The following FSIP1 variants were observed in gnomAD, a reference collection of about 807,000 sequenced individuals.
FSIP1 encodes fibrous sheath interacting protein 1.
Under a neutral mutation model 60.9 loss-of-function variants are expected in FSIP1, and 65 were observed. The ratio of observed to expected loss-of-function variants is 1.07; its 90% CI spans 0.87 to 1.31. FSIP1 has a LOEUF of 1.31. Ranked by LOEUF, FSIP1 falls within the 40% of genes most tolerant of loss-of-function variation. The pLI, the probability that FSIP1 is intolerant of heterozygous loss-of-function variation, is 0.00. For missense variants in FSIP1, 675 were observed against 665.5 expected (o/e 1.01, Z -0.16); for synonymous variants, 209 against 221.2 (o/e 0.94, Z 0.49).
intron 9 of FSIP1, among the ~76,000 whole-genome samples, chr15:39,718,098 C>T (rs974284735): frequency 6.6e-6 from 1 of 152,080 alleles, no homozygotes; most frequent in African/African-American, 2.4e-5. Flanking sequence ...GGTGTCCCAA[C>T]ATCCACTGTT....
chr15:39,603,204 TA>T (rs1390186906), intron 11 of FSIP1, among the ~76,000 whole-genome samples: 1 of 152,132 alleles, frequency 6.6e-6, no homozygotes, highest in Non-Finnish European at 1.5e-5. Context: ...GTTTGTGGGG[TA>T]AATCGATGAA....
chr15:39,764,037 T>A (rs917615263), intron 4 of FSIP1, 123 bp from the exon 5 acceptor site: 50 of 589,324 alleles, frequency 8.5e-5, no homozygotes, highest in Non-Finnish European at 1.5e-4. Context: ...GGCTATTTTT[T>A]TTTTTGAGGA....
chr15:39,642,882 C>T (rs1375339742), intron 10 of FSIP1, among the ~76,000 whole-genome samples: 8 of 152,134 alleles, frequency 5.3e-5, no homozygotes, highest in Admixed American at 5.2e-4. Context: ...CATCATTGAG[C>T]ATATCTCTAA....
At chr15:39,625,785 C>T (rs749435956) in intron 10 of FSIP1, among the ~76,000 whole-genome samples, 1 of 152,150 alleles carries the variant, frequency 6.6e-6, no homozygotes. Flanking sequence ...CATAAAGAGC[C>T]TAAAAAGGGG....
rs569898491 is a variant in FSIP1 at position 39,654,841 on chromosome 15, G to A, written c.1189-36596C>T. ...ATGATGAATGGCAAGAAAGCAACTG[G>A]TCTATCTTCTGATCATGTAAATTCC... On this transcript the variant is annotated intron_variant, in intron 10 of 11. Transcript: ENST00000350221. 9.9e-5 allele frequency among the ~76,000 whole-genome samples: 15 copies of A among 152,244 alleles called. No homozygotes were observed. The South Asian group carries it at 3.1e-3, about 32-fold the overall frequency.
chr15:39,746,259 C>T (rs1309335722), intron 5 of FSIP1, among the ~76,000 whole-genome samples: 2 of 151,942 alleles, frequency 1.3e-5, no homozygotes, highest in Admixed American at 6.6e-5. Context: ...ACTGAAACAG[C>T]GCAGGGGCAG....
At chr15:39,633,554 A>AATG (rs1891999803) in intron 10 of FSIP1, among the ~76,000 whole-genome samples, 1 of 152,168 alleles carries the variant, frequency 6.6e-6, no homozygotes, top group Non-Finnish European at 1.5e-5. Context: ...TGAACCTATT[A>AATG]ATGCACAGTA....
At chr15:39,760,757 T>C (rs951244446) in intron 5 of FSIP1, among the ~76,000 whole-genome samples, 2 of 152,148 alleles carry the variant, frequency 1.3e-5, no homozygotes, top group Non-Finnish European at 2.9e-5. Context: ...GTGGGAAAAC[T>C]GGTAAATTTT....
rs900526547 is a variant in FSIP1 at position 39,739,027 on chromosome 15, C to T, written c.780+638G>A. On this transcript the variant is annotated intron_variant, in intron 7 of 11. Coordinates refer to ENST00000350221, the MANE Select transcript of FSIP1 (RefSeq NM_152597.5). ...TGCAGAGCTTCTGTCCTCCTCACTA[C>T]ATTTCTTGTTGTAAATTAATTAATT... 2.6e-5 allele frequency among the ~76,000 whole-genome samples: 4 copies of T among 152,230 alleles called. No individual in the cohort carries two copies. The East Asian group carries it at 5.8e-4, about 22-fold the overall frequency.
At chr15:39,652,693 T>C (rs887714337) in intron 10 of FSIP1, among the ~76,000 whole-genome samples, 12 of 152,222 alleles carry the variant, frequency 7.9e-5, no homozygotes, top group Non-Finnish European at 1.2e-4. Context: ...GTCTTTCTTA[T>C]TTCATTTGTT....
Position 39,635,482 on chromosome 15 carries a change from A to G in FSIP1, c.1189-17237T>C, listed in dbSNP as rs543345744. ...TTTCCCCAATTACTCTAGTAAGTAC[A>G]CTCTTTCAAAGGGCCGGATCTAGCA... On this transcript the variant is annotated intron_variant, in intron 10 of 11. Coordinates refer to ENST00000350221, the MANE Select transcript of FSIP1 (RefSeq NM_152597.5). Among the ~76,000 whole-genome samples, 4 of 152,192 alleles carry G rather than the reference A, an allele frequency of 2.6e-5. No homozygotes were observed. In the East Asian group the frequency reaches 7.7e-4, roughly 29 times the overall value.
intron 2 of FSIP1, among the ~76,000 whole-genome samples, chr15:39,775,712 C>G (rs1898031344): frequency 6.6e-6 from 1 of 152,098 alleles, no homozygotes; most frequent in Non-Finnish European, 1.5e-5. Flanking sequence ...CTCCTTCACT[C>G]TCTCTCTCTC....
chr15:39,597,704 A>G (rs1289494165), downstream of FSIP1: 1 of 152,236 alleles, frequency 6.6e-6, no homozygotes, highest in Non-Finnish European at 1.5e-5. Flanking sequence ...TCAAAAACAT[A>G]TAAAAGAGAA....
chr15:39,674,720 C>T (rs28785006), intron 10 of FSIP1, among the ~76,000 whole-genome samples: 19,481 of 152,120 alleles, frequency 0.13, 1,469 homozygotes, highest in African/African-American at 0.2. Flanking sequence ...ATATCAGAAG[C>T]ATATCTTTAA....
At position 39,675,542 on chromosome 15, in the gene FSIP1, T is replaced by C. The variant is rs553203277; in HGVS notation, c.1188+37902A>G. 2.0e-4 allele frequency among the ~76,000 whole-genome samples: 30 copies of C among 152,260 alleles called. No individual in the cohort carries two copies. The South Asian group carries it at 6.0e-3, about 30-fold the overall frequency. On this transcript the variant is annotated intron_variant, in intron 10 of 11. Transcript: ENST00000350221. ...AAGGGTGCACCACTGCATACAAAAA[T>C]ATAGATAGATCTTGGCAGCATAATA...
At chr15:39,701,655 C>T (rs529955239) in intron 10 of FSIP1, among the ~76,000 whole-genome samples, 1 of 152,164 alleles carries the variant, frequency 6.6e-6, no homozygotes, top group Admixed American at 6.5e-5. Flanking sequence ...GGTTTCATTT[C>T]AAATCTTTGT....
intron 5 of FSIP1, among the ~76,000 whole-genome samples, chr15:39,743,323 T>C (rs1456070107): frequency 6.6e-6 from 1 of 152,160 alleles, no homozygotes; most frequent in Non-Finnish European, 1.5e-5. Flanking sequence ...ATTCATTGCC[T>C]CAGAGAGAGG....
At chr15:39,635,951 G>A (rs186198093) in intron 10 of FSIP1, among the ~76,000 whole-genome samples, 116 of 152,164 alleles carry the variant, frequency 7.6e-4, no homozygotes, top group Admixed American at 1.5e-3. Context: ...AATGAAGCCA[G>A]TTGGTCCCTC....
chr15:39,702,252 C>T (rs931754859), intron 10 of FSIP1, among the ~76,000 whole-genome samples: 1 of 149,788 alleles, frequency 6.7e-6, no homozygotes, highest in African/African-American at 2.5e-5. Flanking sequence ...GTTTCCTGTG[C>T]TCCCTACACA....
Sources: allele counts gnomAD v4.1 joint callset (sites outside exome capture counted in the v4.1 genomes callset), GRCh38; gene constraint gnomAD v4.1.1; transcripts MANE v1.5; gene names NCBI Gene and HGNC (gene_info 2026-07-23, HGNC 2026-07-21).